Variants in EFCAB11 observed in about 807,000 individuals in gnomAD.
The protein encoded by EFCAB11 is EF-hand calcium binding domain 11, also known as EF-hand calcium-binding domain-containing protein 11.
A neutral mutation model predicts 23.0 loss-of-function variants in EFCAB11; 14 were observed. The observed-to-expected ratio is 0.61, with a 90% CI of 0.40 to 0.95. The LOEUF (loss-of-function observed/expected upper bound fraction) is 0.95, where lower values mean the gene tolerates loss of function less well. EFCAB11 is among the 40% of genes least tolerant of loss of function. The pLI, the probability that EFCAB11 is intolerant of heterozygous loss-of-function variation, is 0.00. For missense variants in EFCAB11, 198 were observed against 195.8 expected, an observed-to-expected ratio of 1.01 and a Z score of -0.07; for synonymous variants, 65 against 66.6, an observed-to-expected ratio of 0.98 and a Z score of 0.11.
At chr14:89,861,776 TCTCTC>T (rs1887930667) in intron 5 of EFCAB11, among the ~76,000 whole-genome samples, 1 of 152,182 alleles carries the variant, frequency 6.6e-6, no homozygotes, top group East Asian at 1.9e-4. Context: ...GCTCTTGTCA[TCTCTC>T]CATGTGATGC....
intron 5 of EFCAB11, among the ~76,000 whole-genome samples, chr14:89,823,195 C>G (rs1413253704): frequency 6.6e-6 from 1 of 152,108 alleles, no homozygotes; most frequent in Non-Finnish European, 1.5e-5. Flanking sequence ...ACCATTGTTG[C>G]TTGAAGATGC....
intron 5 of EFCAB11, among the ~76,000 whole-genome samples, chr14:89,816,390 C>A (rs773297916): frequency 2.6e-5 from 4 of 152,086 alleles, no homozygotes; most frequent in Non-Finnish European, 5.9e-5. Flanking sequence ...AAAAGAAAGT[C>A]TTTGAAACAT....
At chr14:89,942,350 TATA>T (rs1308746975) in intron 3 of EFCAB11, among the ~76,000 whole-genome samples, 1 of 152,172 alleles carries the variant, frequency 6.6e-6, no homozygotes, top group African/African-American at 2.4e-5. Flanking sequence ...TGCAATTATC[TATA>T]ATAATAATAA....
rs576654069 is a variant in EFCAB11, at chr14:89,822,250, T to C, written c.411-24926A>G. Among the ~76,000 whole-genome samples, 11 of 152,344 alleles carry C rather than the reference T, an allele frequency of 7.2e-5. No individual in the cohort carries two copies. In the East Asian group the frequency reaches 1.2e-3, roughly 16 times the overall value. On this transcript the variant is annotated intron_variant, in intron 5 of 5. Transcript: ENST00000316738. ...TCTCAAAATGAGCAAGTGTGGCTGC[T>C]AATTAAAACTAAGAAATAAAAGTGT... is the stretch of plus-strand genomic sequence containing the variant.
intron 4 of EFCAB11, 69 bp downstream of exon 4, chr14:89,932,457 G>T: frequency 1.8e-6 from 2 of 1,130,658 alleles, no homozygotes; most frequent in South Asian, 1.3e-5. Context: ...GATTTACTGG[G>T]TATATAATCC....
intron 5 of EFCAB11, chr14:89,836,930 A>G: frequency 2.3e-6 from 1 of 431,162 alleles, no homozygotes; most frequent in South Asian, 1.6e-5. Context: ...GAGGCAGGAG[A>G]ATTGCTTGAA....
chr14:89,879,404 C>G (rs1888536881), intron 5 of EFCAB11, among the ~76,000 whole-genome samples: 1 of 151,952 alleles, frequency 6.6e-6, no homozygotes, highest in Non-Finnish European at 1.5e-5. Context: ...ATGCTATAAT[C>G]CTATAAAACC....
intron 3 of EFCAB11, among the ~76,000 whole-genome samples, chr14:89,936,593 G>A (rs1890591592): frequency 6.6e-6 from 1 of 152,102 alleles, no homozygotes; most frequent in Non-Finnish European, 1.5e-5. Context: ...AGCATATATT[G>A]TGTGAACATA....
chr14:89,954,588 C>G lies in EFCAB11; in HGVS notation c.73G>C (p.Glu25Gln). The change falls in exon 1 of 6, where the codon GAA (glutamate) becomes CAA (glutamine). Residue 25 changes from glutamate (E) to glutamine (Q), a missense_variant and splice_region_variant. Physicochemically the swap from Glu to Gln is conservative, Grantham distance 29. Transcript: ENST00000316738. The stretch of plus-strand genomic sequence containing the variant: ...TCAGTCGCCCTCCGGAAACCTACTT[C>G]CACCCACTTCCTGTGTTCCGAGGGA... ...ASPSEHRKWVEVFKACDEDHK... is the reference protein window; with the variant it reads ...ASPSEHRKWVQVFKACDEDHK... 6.2e-7 allele frequency: 1 copy of G among 1,613,860 alleles called. No individual in the cohort carries two copies. Among genetic ancestry groups the G allele is most frequent in the Non-Finnish European group, 8.5e-7 (1 of 1,179,972 alleles).
At chr14:89,819,116 A>G (rs891697411) in intron 5 of EFCAB11, among the ~76,000 whole-genome samples, 4 of 152,222 alleles carry the variant, frequency 2.6e-5, no homozygotes, top group Non-Finnish European at 5.9e-5. Flanking sequence ...CAAACTGGAA[A>G]CAAACCCAAC....
chr14:89,815,399 T>C (rs1886301756), intron 5 of EFCAB11, among the ~76,000 whole-genome samples: 1 of 152,056 alleles, frequency 6.6e-6, no homozygotes. Context: ...GGAGCACTGG[T>C]ATCATAATTA....
intron 5 of EFCAB11, chr14:89,931,310 G>T (rs1890380963): frequency 2.0e-6 from 1 of 488,962 alleles, no homozygotes; most frequent in East Asian, 3.3e-5. Flanking sequence ...GTGCTTGTAT[G>T]CACCTGCCTG....
At chr14:89,926,057 C>A (rs1432860983) in intron 5 of EFCAB11, among the ~76,000 whole-genome samples, 1 of 151,868 alleles carries the variant, frequency 6.6e-6, no homozygotes, top group Admixed American at 6.6e-5. Flanking sequence ...CTCAAGTGAC[C>A]CACTCGTCTC....
At chr14:89,839,561 G>A (rs945783775) in intron 5 of EFCAB11, among the ~76,000 whole-genome samples, 3 of 152,090 alleles carry the variant, frequency 2.0e-5, no homozygotes, top group African/African-American at 7.2e-5. Flanking sequence ...AAAAACAAGA[G>A]GGAAACAAGT....
intron 5 of EFCAB11, among the ~76,000 whole-genome samples, chr14:89,853,148 T>C (rs1277079295): frequency 6.6e-6 from 1 of 152,316 alleles, no homozygotes; most frequent in East Asian, 1.9e-4. Flanking sequence ...CTGGCACAAA[T>C]AGGCTTGGGA....
At chr14:89,855,906 T>C (rs1046449799) in intron 5 of EFCAB11, among the ~76,000 whole-genome samples, 1 of 152,212 alleles carries the variant, frequency 6.6e-6, no homozygotes, top group Non-Finnish European at 1.5e-5. Flanking sequence ...ATGTGGTTTA[T>C]GTCACCTGGT....
chr14:89,894,891 A>G (rs1373220761), intron 5 of EFCAB11, among the ~76,000 whole-genome samples: 1 of 152,238 alleles, frequency 6.6e-6, no homozygotes, highest in Non-Finnish European at 1.5e-5. Flanking sequence ...AAAAACGATA[A>G]AATATGTAGG....
At chr14:89,893,631 C>T (rs1889057269) in intron 5 of EFCAB11, among the ~76,000 whole-genome samples, 2 of 152,132 alleles carry the variant, frequency 1.3e-5, no homozygotes, top group South Asian at 2.1e-4. Flanking sequence ...TCAAACCCAA[C>T]TTTATCAGTC....
In EFCAB11 at chr14:89,811,619, G is replaced by A. The variant is rs183027438; in HGVS notation, c.411-14295C>T. Among the ~76,000 whole-genome samples, 564 of 152,222 alleles carry A rather than the reference G, an allele frequency of 3.7e-3. 4 individuals are homozygous for A. The highest frequency in any genetic ancestry group is 6.4e-3 in the Non-Finnish European group (437 of 68,002). On this transcript the variant is annotated intron_variant, in intron 5 of 5. Transcript: ENST00000316738. ...AGAGGAGCCAGAGAGATGTGAAGAC[G>A]CTAAACTGCCAGCTTTGTTGATGGA... is the stretch of plus-strand genomic sequence containing the variant.
Sources: gnomAD v4.1 joint callset for allele counts (sites outside exome capture counted in the v4.1 genomes callset) on GRCh38, gnomAD v4.1.1 for gene constraint, MANE v1.5 for transcripts, NCBI Gene and HGNC (gene_info 2026-07-23, HGNC 2026-07-21) for gene names.